Variants in CSTPP1 observed in about 807,000 individuals in gnomAD.
The protein encoded by CSTPP1 is UPF0705 protein C11orf49.
chr11:47,019,743 G>T, the CSTPP1 span, among the ~76,000 whole-genome samples: 1 of 152,124 alleles, frequency 6.6e-6, no homozygotes, highest in East Asian at 1.9e-4. Context: ...TAATGAAAAA[G>T]TTTGAAATAT....
chr11:46,955,853 G>A, the CSTPP1 span, among the ~76,000 whole-genome samples: 10 of 151,904 alleles, frequency 6.6e-5, no homozygotes, highest in Non-Finnish European at 1.2e-4. Flanking sequence ...TTAGCTGGGC[G>A]CGGCGGGTGC....
the CSTPP1 span, chr11:47,159,821 A>G: frequency 7.3e-6 from 3 of 409,076 alleles, no homozygotes; most frequent in African/African-American, 6.2e-5. Flanking sequence ...CCTGGCCAAC[A>G]TGGAGAAACC....
chr11:47,037,641 GC>G, the CSTPP1 span, among the ~76,000 whole-genome samples: 23 of 120,488 alleles, frequency 1.9e-4, 2 homozygotes, highest in African/African-American at 5.1e-4. Context: ...ATCTTGCACC[GC>G]CCTTAATCCA....
chr11:47,091,373 CA>C, the CSTPP1 span, among the ~76,000 whole-genome samples: 242 of 134,910 alleles, frequency 1.8e-3, no homozygotes, highest in African/African-American at 2.6e-3. Flanking sequence ...GACTCCATCT[CA>C]AAAAAAAAAA....
the CSTPP1 span, among the ~76,000 whole-genome samples, chr11:47,065,647 G>A: frequency 6.6e-6 from 1 of 151,770 alleles, no homozygotes; most frequent in Admixed American, 6.6e-5. Context: ...TTATTCCTAA[G>A]TATTTTATTC....
the CSTPP1 span, chr11:47,052,625 C>A: frequency 7.1e-7 from 1 of 1,405,400 alleles, no homozygotes. Flanking sequence ...CTCTCTTTCT[C>A]TTTCAAACTT....
At chr11:47,151,683 G>A in the CSTPP1 span, among the ~76,000 whole-genome samples, 1 of 151,342 alleles carries the variant, frequency 6.6e-6, no homozygotes, top group Non-Finnish European at 1.5e-5. Context: ...CACAAGCTCG[G>A]ATCCATTTGG....
the CSTPP1 span, among the ~76,000 whole-genome samples, chr11:46,946,336 C>T: frequency 5.8e-3 from 881 of 152,144 alleles, 5 homozygotes; most frequent in African/African-American, 0.02. Context: ...TCTAGGAGGC[C>T]GAGTAGATAA....
At chr11:47,104,814 T>A in the CSTPP1 span, among the ~76,000 whole-genome samples, 1 of 152,226 alleles carries the variant, frequency 6.6e-6, no homozygotes, top group Non-Finnish European at 1.5e-5. Context: ...TGTCATTTTA[T>A]GACCCCAGGA....
the CSTPP1 span, among the ~76,000 whole-genome samples, chr11:46,946,920 A>G: frequency 6.6e-6 from 1 of 152,244 alleles, no homozygotes; most frequent in African/African-American, 2.4e-5. Flanking sequence ...AAGTAACAGA[A>G]TAAATTTTAA....
the CSTPP1 span, among the ~76,000 whole-genome samples, chr11:47,071,442 G>T: frequency 2.9e-4 from 44 of 152,134 alleles, no homozygotes; most frequent in African/African-American, 1.0e-3. Flanking sequence ...TTTGATAACC[G>T]ACTGGAGCCT....
chr11:47,034,064 C>T, the CSTPP1 span, among the ~76,000 whole-genome samples: 7 of 151,576 alleles, frequency 4.6e-5, no homozygotes, highest in East Asian at 3.9e-4. Context: ...CAAACCTGCA[C>T]GTTGTGCGCA....
At chr11:47,031,931 G>A in the CSTPP1 span, among the ~76,000 whole-genome samples, 1 of 152,140 alleles carries the variant, frequency 6.6e-6, no homozygotes, top group Non-Finnish European at 1.5e-5. Flanking sequence ...TTTTAGGGCA[G>A]GAAGCATCCA....
At chr11:47,126,054 T>C in the CSTPP1 span, among the ~76,000 whole-genome samples, 1 of 151,936 alleles carries the variant, frequency 6.6e-6, no homozygotes, top group South Asian at 2.1e-4. Context: ...TTTATATATA[T>C]AAATGAAATA....
At chr11:47,059,599 C>G in the CSTPP1 span, among the ~76,000 whole-genome samples, 1 of 152,158 alleles carries the variant, frequency 6.6e-6, no homozygotes, top group Non-Finnish European at 1.5e-5. Flanking sequence ...AGTATGATAA[C>G]ATGAAACAAC....
At chr11:47,120,760 T>C in the CSTPP1 span, among the ~76,000 whole-genome samples, 1 of 152,156 alleles carries the variant, frequency 6.6e-6, no homozygotes, top group Admixed American at 6.5e-5. The surrounding 1 kb of genome is among the most constrained non-coding windows in gnomAD (Gnocchi z 4.2). Flanking sequence ...ACTTACCCTA[T>C]AGGACTGCTG....
At chr11:47,137,278 G>A in the CSTPP1 span, 7 of 1,310,750 alleles carry the variant, frequency 5.3e-6, no homozygotes, top group Non-Finnish European at 7.0e-6. Context: ...GAGAATTTCA[G>A]CAAATTTAAC....
At chr11:47,103,241 T>C in the CSTPP1 span, among the ~76,000 whole-genome samples, 2 of 151,400 alleles carry the variant, frequency 1.3e-5, no homozygotes, top group Admixed American at 6.6e-5. Context: ...CTACAAAAAA[T>C]ACAAAAAAAT....
At chr11:47,128,259 T>C in the CSTPP1 span, among the ~76,000 whole-genome samples, 1 of 152,326 alleles carries the variant, frequency 6.6e-6, no homozygotes, top group South Asian at 2.1e-4. Context: ...TCTAGAGTTT[T>C]AAGGTAGCAC....
Sources: gnomAD v4.1 joint callset for allele counts (sites outside exome capture counted in the v4.1 genomes callset) on GRCh38, gnomAD v4.1.1 for gene constraint, Gnocchi (gnomAD v3.1) non-coding constraint, MANE v1.5 for transcripts, NCBI Gene and HGNC (gene_info 2026-07-23, HGNC 2026-07-21) for gene names.